Variants in STAG3 observed in about 807,000 individuals in gnomAD.
The protein encoded by STAG3 is cohesin subunit SA-3.
A neutral mutation model predicts 160.7 loss-of-function variants in STAG3; 101 were observed. The ratio of observed to expected loss-of-function variants is 0.63; its 90% confidence interval spans 0.54 to 0.74. The LOEUF (loss-of-function observed/expected upper bound fraction) is 0.74. Ranked by LOEUF, STAG3 falls within the 30% of genes least tolerant of loss-of-function variation. STAG3 has a pLI of 0.00. For synonymous variants in STAG3, 519 were observed against 585.0 expected, an observed-to-expected ratio of 0.89 and a Z score of 1.63; for missense variants, 1,188 against 1,517.4, an observed-to-expected ratio of 0.78 and a Z score of 3.61.
At chr7:100,211,705 TCC>T in intron 31 of STAG3, 88 bp from the exon 32 acceptor site, 1 of 1,460,788 alleles carries the variant, frequency 6.8e-7, no homozygotes, top group Non-Finnish European at 9.5e-7. Flanking sequence ...TACTTACTGC[TCC>T]CCACTTCCCC....
chr7:100,180,697 C>G (rs1799590928), intron 2 of STAG3, 25 bp downstream of exon 2: 2 of 1,378,798 alleles, frequency 1.5e-6, no homozygotes, highest in Admixed American at 1.7e-5. Flanking sequence ...CATTGTGTGG[C>G]CACTTCCTGT....
chr7:100,218,089 GTCTGC>G (rs1256686510), downstream of STAG3, among the ~76,000 whole-genome samples: 2 of 149,988 alleles, frequency 1.3e-5, no homozygotes, highest in African/African-American at 4.9e-5. Context: ...CTAGACCAAG[GTCTGC>G]TAAGTAACGG....
downstream of STAG3, among the ~76,000 whole-genome samples, chr7:100,217,830 A>G (rs1802900502): frequency 6.6e-6 from 1 of 152,130 alleles, no homozygotes; most frequent in Non-Finnish European, 1.5e-5. Flanking sequence ...TAATTCTGCT[A>G]CTGCCATCTA....
intron 12 of STAG3, 72 bp from the exon 13 acceptor site, chr7:100,198,397 CTCTTTT>C: frequency 6.6e-7 from 1 of 1,504,416 alleles, no homozygotes; most frequent in East Asian, 2.3e-5. Context: ...TTGCTTTTGC[CTCTTTT>C]TGTTTCTAGC....
At chr7:100,212,006 G>C in intron 32 of STAG3, 130 bp downstream of exon 32, 1 of 777,250 alleles carries the variant, frequency 1.3e-6, no homozygotes, top group East Asian at 2.7e-5. Context: ...TAGAGTAAAG[G>C]AGGACAGGTT....
rs764688962 is a variant in STAG3 at position 100,202,250 on chromosome 7, C to G, written c.2473C>G (p.Leu825Val). Residue 825 changes from leucine (L) to valine (V), a missense_variant, in exon 24 of 34, where the codon CTT (leucine) becomes GTT (valine). Leu to Val is a conservative substitution (Grantham distance 32, BLOSUM62 1). Transcript: ENST00000615138. ...TGGGGGCCGTGATTTCCTTAGGCCACTTGTCTTTTTTCCTGAAGCTACTCT... is the reference window on the plus strand; with the variant it reads ...TGGGGGCCGTGATTTCCTTAGGCCAGTTGTCTTTTTTCCTGAAGCTACTCT... ...IVGGRDFLRP[L>V]VFFPEATLQS... 108 of 1,614,008 alleles carry G rather than the reference C, an allele frequency of 6.7e-5. 2 individuals carry two copies. The South Asian group carries it at 8.3e-4, about 12-fold the overall frequency.
At chr7:100,210,793 G>A (rs1216269996) in intron 29 of STAG3, among the ~76,000 whole-genome samples, 3 of 152,138 alleles carry the variant, frequency 2.0e-5, no homozygotes, top group African/African-American at 7.2e-5. Flanking sequence ...CTTGGACAAG[G>A]CCTAGCTACA....
At chr7:100,204,863 A>G in intron 27 of STAG3, 88 bp downstream of exon 27, 1 of 1,586,724 alleles carries the variant, frequency 6.3e-7, no homozygotes, top group Non-Finnish European at 8.6e-7. Flanking sequence ...ATGTGTGTCA[A>G]GGCATAGCAG....
At chr7:100,209,216 G>C (rs1017955057) in intron 29 of STAG3, among the ~76,000 whole-genome samples, 2 of 152,212 alleles carry the variant, frequency 1.3e-5, no homozygotes, top group African/African-American at 4.8e-5. Flanking sequence ...TTCACTCTGA[G>C]TTGAGTTTCA....
chr7:100,203,999 C>A (rs563737305), intron 25 of STAG3, 22 bp from the exon 26 acceptor site: 2 of 1,541,332 alleles, frequency 1.3e-6, no homozygotes, highest in Admixed American at 1.7e-5. Context: ...CAGACATTAC[C>A]TTCCCCACTC....
intron 27 of STAG3, 91 bp downstream of exon 27, chr7:100,204,866 C>T: frequency 1.3e-6 from 2 of 1,571,142 alleles, no homozygotes; most frequent in Non-Finnish European, 1.7e-6. Flanking sequence ...TGTGTCAAGG[C>T]ATAGCAGTCA....
chr7:100,205,028 C>A lies in STAG3; in HGVS notation c.2975C>A (p.Ser992Tyr), dbSNP rs764426732. 3 of 1,613,846 alleles carry A rather than the reference C, an allele frequency of 1.9e-6. No individual in the cohort carries two copies. The highest frequency in any genetic ancestry group is 2.7e-5 in the African/African-American group (2 of 74,900). The change falls in exon 28 of 34, where the codon TCT (serine) becomes TAT (tyrosine). Residue 992 changes from serine (S) to tyrosine (Y), a missense_variant. This residue lies in a region of STAG3 where 647 missense variants were observed against 717.2 expected (regional missense o/e 0.90). Coordinates refer to ENST00000615138, the MANE Select transcript of STAG3 (RefSeq NM_001282717.2). ...LHKEGIQFSL[S>Y]ELPPAGSSNQ... The stretch of plus-strand genomic sequence containing the variant: ...AGGGAAGGCATCCAGTTCTCCTTGT[C>A]TGAGCTTCCTCCAGCTGGCTCCTCC...
intron 32 of STAG3, chr7:100,213,293 C>T (rs1802434759): frequency 3.0e-6 from 3 of 983,996 alleles, no homozygotes; most frequent in African/African-American, 3.5e-5. Flanking sequence ...TTTAGGGGGA[C>T]ACAGATATTC....
intron 1 of STAG3, among the ~76,000 whole-genome samples, chr7:100,178,776 G>T (rs987585523): frequency 2.7e-4 from 41 of 151,520 alleles, no homozygotes; most frequent in Non-Finnish European, 4.9e-4. Context: ...TCTGGTGTCT[G>T]TAATCCCTTG....
At chr7:100,213,302 T>G (rs1261354286) in intron 32 of STAG3, 1 of 984,662 alleles carries the variant, frequency 1.0e-6, no homozygotes, top group Non-Finnish European at 1.2e-6. Context: ...ACACAGATAT[T>G]CAGTCCATTA....
chr7:100,210,001 C>G (rs1041535746), intron 29 of STAG3, among the ~76,000 whole-genome samples: 1 of 152,166 alleles, frequency 6.6e-6, no homozygotes, highest in Non-Finnish European at 1.5e-5. Flanking sequence ...GAGCTGAAGG[C>G]TTGAGATCCC....
intron 8 of STAG3, among the ~76,000 whole-genome samples, chr7:100,194,567 G>A (rs983173839): frequency 3.7e-4 from 56 of 152,212 alleles, no homozygotes; most frequent in Admixed American, 3.5e-3. Flanking sequence ...TGGAAGGATC[G>A]CTTGAGCCCA....
At position 100,180,702 on chromosome 7, in the gene STAG3, TC is replaced by T. The variant is rs772987343; in HGVS notation, c.116+32del. The T allele has an allele frequency of 3.0e-6, 4 of 1,340,836 alleles. No homozygotes were observed. In the South Asian group the frequency reaches 4.7e-5, roughly 16 times the overall value. The allele number at this position is 1,340,836 out of a possible 1,614,324, so 83.1% of individuals were successfully genotyped here. A position where few individuals can be genotyped will look rare whatever the true frequency, so the allele number is the denominator to read the frequency against. On this transcript the variant is annotated intron_variant, in intron 2 of 33. Coordinates refer to ENST00000615138, the MANE Select transcript of STAG3 (RefSeq NM_001282717.2). ...GTAGATGTTGCATTGTGTGGCCACT[TC>T]CTGTGTCCCTGGCAGCCTTCCCCCT...
chr7:100,202,830 T>C (rs1377806535), intron 25 of STAG3, among the ~76,000 whole-genome samples: 1 of 152,226 alleles, frequency 6.6e-6, no homozygotes, highest in Non-Finnish European at 1.5e-5. Context: ...TTATTCTTCC[T>C]GTCCAGAAAT....
Sources: allele counts gnomAD v4.1 joint callset (sites outside exome capture counted in the v4.1 genomes callset), GRCh38; gene constraint gnomAD v4.1.1; regional missense constraint gnomAD v4.1.1; transcripts MANE v1.5; gene names NCBI Gene and HGNC (gene_info 2026-07-23, HGNC 2026-07-21).